SLC37A2: variants seen among roughly 807,000 people sequenced by gnomAD.
SLC37A2 encodes the protein solute carrier family 37 member 2.
Under a neutral mutation model 70.7 loss-of-function variants are expected in SLC37A2, and 59 were observed. That is an observed-to-expected ratio of 0.83 (90% CI 0.68 to 1.04). The LOEUF is 1.04. Ranked by LOEUF, SLC37A2 falls within the 50% of genes least tolerant of loss-of-function variation. The pLI is 0.00. For synonymous variants in SLC37A2, 257 were observed against 262.1 expected, an observed-to-expected ratio of 0.98 and a Z score of 0.19; for missense variants, 580 against 658.1, an observed-to-expected ratio of 0.88 and a Z score of 1.30.
intron 1 of SLC37A2, among the ~76,000 whole-genome samples, chr11:125,075,077 A>G (rs1010472489): frequency 6.6e-6 from 1 of 152,202 alleles, no homozygotes; most frequent in Non-Finnish European, 1.5e-5. Flanking sequence ...GAGGCAAAAA[A>G]AAGGCTTAGG....
chr11:125,075,607 A>T (rs550403009), intron 1 of SLC37A2, among the ~76,000 whole-genome samples: 1 of 152,358 alleles, frequency 6.6e-6, no homozygotes, highest in South Asian at 2.1e-4. Flanking sequence ...TCTCAAGAAG[A>T]CAGACAGGAA....
Position 125,083,632 on chromosome 11 carries a change from G to T in SLC37A2, c.977-183G>T, listed in dbSNP as rs1290818825. On this transcript the variant is annotated intron_variant, in intron 10 of 17. Coordinates refer to ENST00000403796, the MANE Select transcript of SLC37A2 (RefSeq NM_001145290.2). The surrounding 1 kb of genome is among the most constrained non-coding windows in gnomAD (Gnocchi z 4.6). ...GGCAACACAGGACGGGACCAAGAGG[G>T]CGTCTATCCAAACTGCTGCATTCTC... Among the ~76,000 whole-genome samples the T allele has an allele frequency of 6.6e-6, 1 of 152,198 alleles. No homozygotes were observed. The highest frequency in any genetic ancestry group is 1.5e-5 in the Non-Finnish European group (1 of 68,040).
At chr11:125,069,403 C>G (rs1264734308) in intron 1 of SLC37A2, among the ~76,000 whole-genome samples, 1 of 152,220 alleles carries the variant, frequency 6.6e-6, no homozygotes, top group East Asian at 1.9e-4. Flanking sequence ...TACTTAACAT[C>G]TCCCAGGCTC....
chr11:125,074,243 G>A (rs144004603), intron 1 of SLC37A2, among the ~76,000 whole-genome samples: 7 of 151,934 alleles, frequency 4.6e-5, no homozygotes, highest in Non-Finnish European at 7.4e-5. Context: ...ATCCTTTCCC[G>A]ACACTGCTCC....
Position 125,079,733 on chromosome 11 carries a change from G to A in SLC37A2, c.500G>A (p.Cys167Tyr). Reference protein sequence around the residue: ...QTTGWPSVVTCVGNWFGKGKR... With the variant: ...QTTGWPSVVTYVGNWFGKGKR... Reference sequence around the variant, plus strand: ...ACAGGCTGGCCCTCTGTGGTGACCTGTGTTGGCAACTGGTTCGGGAAGGGG... The same window carrying A: ...ACAGGCTGGCCCTCTGTGGTGACCTATGTTGGCAACTGGTTCGGGAAGGGG... The change falls in exon 6 of 18, where the codon TGT becomes TAT. Residue 167 changes from cysteine (C) to tyrosine (Y), a missense_variant. Coordinates refer to ENST00000403796, the MANE Select transcript of SLC37A2 (RefSeq NM_001145290.2). 1 of 1,610,530 alleles carries A rather than the reference G, an allele frequency of 6.2e-7. No homozygotes were observed. The highest frequency in any genetic ancestry group is 8.5e-7 in the Non-Finnish European group (1 of 1,178,382).
intron 4 of SLC37A2, among the ~76,000 whole-genome samples, chr11:125,077,885 C>T (rs1238896356): frequency 2.6e-5 from 4 of 152,216 alleles, no homozygotes; most frequent in Admixed American, 2.6e-4. Context: ...GGGAAGCATG[C>T]TGTTCCTTGC....
Position 125,081,854 on chromosome 11 carries a change from G to A in SLC37A2, c.833G>A (p.Gly278Glu). 1.9e-6 allele frequency: 3 copies of A among 1,613,922 alleles called. No individual in the cohort carries two copies. The highest frequency in any genetic ancestry group is 2.5e-6 in the Non-Finnish European group (3 of 1,179,854). Reference protein sequence around the residue: ...GLETVAKCSKGPCEEPAAISF... With the variant: ...GLETVAKCSKEPCEEPAAISF... ...GAGACTGTGGCCAAATGCTCCAAGGGGCCATGCGAAGAGCCTGCTGCCATC... is the reference window on the plus strand; with the variant it reads ...GAGACTGTGGCCAAATGCTCCAAGGAGCCATGCGAAGAGCCTGCTGCCATC... The change falls in exon 9 of 18, where the codon GGG (glycine) becomes GAG (glutamate). Residue 278 changes from glycine to glutamate, a missense_variant. Gly to Glu is a moderately conservative substitution (Grantham distance 98). Coordinates refer to ENST00000403796, the MANE Select transcript of SLC37A2 (RefSeq NM_001145290.2).
intron 1 of SLC37A2, among the ~76,000 whole-genome samples, chr11:125,074,270 GTC>G (rs1212179722): frequency 2.0e-5 from 3 of 151,942 alleles, no homozygotes; most frequent in African/African-American, 7.3e-5. Context: ...CTGGCTCGGA[GTC>G]TCTCCTCTGT....
chr11:125,069,903 G>C (rs968319447), intron 1 of SLC37A2, among the ~76,000 whole-genome samples: 1 of 152,242 alleles, frequency 6.6e-6, no homozygotes, highest in Admixed American at 6.5e-5. Context: ...GAGCCACAGA[G>C]CACCTGGAGG....
At chr11:125,070,454 C>T (rs138720065) in intron 1 of SLC37A2, among the ~76,000 whole-genome samples, 17 of 152,256 alleles carry the variant, frequency 1.1e-4, no homozygotes, top group Admixed American at 3.3e-4. Context: ...AAAGGAAGAT[C>T]GAACTGAGGC....
chr11:125,077,676 C>T (rs887474452), intron 4 of SLC37A2, 148 bp downstream of exon 4: 37 of 613,074 alleles, frequency 6.0e-5, no homozygotes, highest in Middle Eastern at 8.6e-4. Context: ...TTACCGCGGT[C>T]GCAGAGACTG....
chr11:125,079,661 C>T (rs1034702127), intron 5 of SLC37A2, 23 bp from the exon 6 acceptor site: 6 of 1,571,796 alleles, frequency 3.8e-6, no homozygotes, highest in East Asian at 4.5e-5. Flanking sequence ...CCTGTTCCCA[C>T]CCTCCCTTCT....
At position 125,079,201 on chromosome 11, in the gene SLC37A2, G is replaced by A. The variant is rs758598150; in HGVS notation, c.404G>A (p.Gly135Glu). The A allele has an allele frequency of 1.1e-5, 17 of 1,614,048 alleles. No homozygotes were observed. Among genetic ancestry groups the A allele is most frequent in the Non-Finnish European group, 1.4e-5 (17 of 1,180,018 alleles). Residue 135 changes from glycine to glutamate, a missense_variant, in exon 5 of 18, where the codon GGA becomes GAA. Gly to Glu is a moderately conservative substitution (Grantham distance 98). Transcript: ENST00000403796. ...CTTTTCACCTCGCTCTTTGGCCTGG[G>A]ATATTTCTGGAACATCCACGAGCTC... ...SGLFTSLFGL[G>E]YFWNIHELWY...
At chr11:125,069,646 T>C (rs1462218223) in intron 1 of SLC37A2, among the ~76,000 whole-genome samples, 1 of 152,188 alleles carries the variant, frequency 6.6e-6, no homozygotes, top group Non-Finnish European at 1.5e-5. Context: ...AGCAAAGGCA[T>C]GCAAGTGGAG....
intron 3 of SLC37A2, 40 bp downstream of exon 3, chr11:125,077,363 C>G: frequency 1.9e-6 from 3 of 1,590,952 alleles, no homozygotes; most frequent in Non-Finnish European, 2.6e-6. Flanking sequence ...TCCCCATTCC[C>G]TCTTCCTCGA....
rs768637641 is a variant in SLC37A2 at position 125,083,878 on chromosome 11, G to A, written c.1039+1G>A. ...CTCTTCGATGTTGGTGGCATCATAG[G>A]TGAGGCCTTGCCCTGCTCTGCCAGC... On this transcript the variant is annotated splice_donor_variant, in intron 11 of 17. Transcript: ENST00000403796. LOFTEE classifies it high-confidence loss of function. The surrounding 1 kb of genome is among the most constrained non-coding windows in gnomAD (Gnocchi z 4.6). The A allele has an allele frequency of 2.5e-6, 4 of 1,613,914 alleles. No individual in the cohort carries two copies. Among genetic ancestry groups the A allele is most frequent in the South Asian group, 2.2e-5 (2 of 91,072 alleles).
intron 1 of SLC37A2, among the ~76,000 whole-genome samples, chr11:125,072,727 G>A (rs936568555): frequency 6.6e-6 from 1 of 152,212 alleles, no homozygotes; most frequent in Non-Finnish European, 1.5e-5. Flanking sequence ...CTTGGCCTCC[G>A]TCTAGCCTAG....
At position 125,081,879 on chromosome 11, in the gene SLC37A2, C is replaced by T; in HGVS notation, c.858C>T (p.Ile286=). 6.2e-7 allele frequency: 1 copy of T among 1,612,960 alleles called. No homozygotes were observed. The highest frequency in any genetic ancestry group is 8.5e-7 in the Non-Finnish European group (1 of 1,179,500). Residue 286 remains isoleucine, a synonymous_variant, in exon 9 of 18, where the codon ATC becomes ATT. Transcript: ENST00000403796. ...SKGPCEEPAA[I]SFFGALRIPG... ...GGCCATGCGAAGAGCCTGCTGCCAT[C>T]AGCTTCTTTGGGGCGCTCCGGATCC...
In SLC37A2 at chr11:125,063,888, C is replaced by T. The variant is rs1381880063; in HGVS notation, c.59+462C>T. Among the ~76,000 whole-genome samples, 2 of 152,188 alleles carry T rather than the reference C, an allele frequency of 1.3e-5. No individual in the cohort carries two copies. The highest frequency in any genetic ancestry group is 4.8e-5 in the African/African-American group (2 of 41,434). On this transcript the variant is annotated intron_variant, in intron 1 of 17. Transcript: ENST00000403796. The surrounding 1 kb of genome is among the most constrained non-coding windows in gnomAD (Gnocchi z 5.4). ...CTCCTTTAGCCCTCGAACACCAAGGCCAGAACTCAGTGGTCCTGGGAGCTC... is the reference window on the plus strand; with the variant it reads ...CTCCTTTAGCCCTCGAACACCAAGGTCAGAACTCAGTGGTCCTGGGAGCTC...
Sources: allele counts gnomAD v4.1 joint callset (sites outside exome capture counted in the v4.1 genomes callset), GRCh38; gene constraint gnomAD v4.1.1; non-coding constraint Gnocchi (gnomAD v3.1); transcripts MANE v1.5; gene names NCBI Gene and HGNC (gene_info 2026-07-23, HGNC 2026-07-21).